Variants in ICE1 observed in about 807,000 individuals in gnomAD.
The protein encoded by ICE1 is little elongation complex subunit 1.
A neutral mutation model predicts 192.7 loss-of-function variants in ICE1; 64 were observed. The observed-to-expected ratio is 0.33, with a 90% CI of 0.27 to 0.41. The LOEUF (loss-of-function observed/expected upper bound fraction) is 0.41. Ranked by LOEUF, ICE1 falls within the 10% of genes least tolerant of loss-of-function variation. ICE1 has a pLI of 1.00. For synonymous variants in ICE1, 1,010 were observed against 984.5 expected (o/e 1.03, Z -0.49); for missense variants, 2,708 against 2,696.0 (o/e 1.00, Z -0.10).
Position 5,462,120 on chromosome 5 carries a change from C to T in ICE1, c.2786C>T (p.Ser929Phe). The T allele has an allele frequency of 1.9e-6, 3 of 1,613,886 alleles. No homozygotes were observed. In the South Asian group the frequency reaches 3.3e-5, roughly 18 times the overall value. Residue 929 changes from serine (S) to phenylalanine (F), a missense_variant, in exon 13 of 19, where the codon TCT becomes TTT. By Grantham distance (155) the Ser-to-Phe change is radical. Transcript: ENST00000296564. ...AAVKSISPEV[S>F]ASRRKLDFNS... Reference sequence around the variant, plus strand: ...GTGAAAAGCATTTCACCAGAAGTTTCTGCCTCTAGGAGAAAATTAGATTTT... The same window carrying T: ...GTGAAAAGCATTTCACCAGAAGTTTTTGCCTCTAGGAGAAAATTAGATTTT...
At chr5:5,436,559 G>A (rs1737878228) in intron 2 of ICE1, 83 bp downstream of exon 2, 2 of 705,510 alleles carry the variant, frequency 2.8e-6, no homozygotes, top group Non-Finnish European at 4.4e-6. Context: ...AGGCCCCCAG[G>A]GCTGGAATGA....
chr5:5,464,695 G>A lies in ICE1; in HGVS notation c.5361G>A (p.Pro1787=), dbSNP rs895093136. 6.2e-6 allele frequency: 10 copies of A among 1,613,914 alleles called. No homozygotes were observed. The highest frequency in any genetic ancestry group is 1.6e-4 in the Middle Eastern group (1 of 6,062). ...CGCCTGCTGACTGTAAGAATTTACCGGGACCTGCCAGTGCTATGATAGGAT... is the reference window on the plus strand; with the variant it reads ...CGCCTGCTGACTGTAAGAATTTACCAGGACCTGCCAGTGCTATGATAGGAT... ...RGPPADCKNL[P]GPASAMIGFK... Residue 1787 remains proline, a synonymous_variant, in exon 13 of 19, where the codon CCG becomes CCA. Transcript: ENST00000296564. This position sits in a 1 kb window ranked among gnomAD's most constrained non-coding sequence, Gnocchi z 4.0.
intron 7 of ICE1, among the ~76,000 whole-genome samples, chr5:5,445,339 C>T (rs1738182890): frequency 6.6e-6 from 1 of 152,086 alleles, no homozygotes. Context: ...ATTTTGTGTT[C>T]TAAGTATTGG....
Position 5,453,776 on chromosome 5 carries a change from A to G in ICE1, c.605-776A>G, listed in dbSNP as rs1738497358. Reference sequence around the variant, plus strand: ...TGTAGAAAAGCTTTAAAACCATAGTATAATATTCTTAATGTTACATTTATT... The same window carrying G: ...TGTAGAAAAGCTTTAAAACCATAGTGTAATATTCTTAATGTTACATTTATT... On this transcript the variant is annotated intron_variant, in intron 10 of 18. Transcript: ENST00000296564. Among the ~76,000 whole-genome samples the G allele has an allele frequency of 2.0e-5, 3 of 152,220 alleles. No homozygotes were observed. In the South Asian group the frequency reaches 6.2e-4, roughly 31 times the overall value.
intron 1 of ICE1, among the ~76,000 whole-genome samples, chr5:5,429,927 G>A (rs1350451969): frequency 6.6e-6 from 1 of 152,202 alleles, no homozygotes; most frequent in Admixed American, 6.5e-5. Context: ...AATTGTGTTA[G>A]TGAATTAGTA....
In ICE1 at chr5:5,461,704, A is replaced by T. The variant is rs1561088623; in HGVS notation, c.2370A>T (p.Ser790=). Reference sequence around the variant, plus strand: ...GTTTGGGTTTTGTTAAAAGTACTTCATGGCACCATAGTGATTTATTAAGGA... The same window carrying T: ...GTTTGGGTTTTGTTAAAAGTACTTCTTGGCACCATAGTGATTTATTAAGGA... ...KSGLGFVKST[S]WHHSDLLRKG... is the part of the protein sequence containing the mutation. The change falls in exon 13 of 19, where the codon TCA becomes TCT. Residue 790 remains serine, a synonymous_variant. Coordinates refer to ENST00000296564, the MANE Select transcript of ICE1 (RefSeq NM_015325.3). 1 of 1,613,862 alleles carries T rather than the reference A, an allele frequency of 6.2e-7. No individual in the cohort carries two copies. The highest frequency in any genetic ancestry group is 1.1e-5 in the South Asian group (1 of 91,054).
intron 10 of ICE1, 73 bp downstream of exon 10, chr5:5,447,970 T>C: frequency 8.4e-7 from 1 of 1,195,554 alleles, no homozygotes; most frequent in East Asian, 2.6e-5. Context: ...GTTTTGCTCC[T>C]ACATATAATT....
rs1421116884 is a variant in ICE1 at position 5,462,444 on chromosome 5, A to G, written c.3110A>G (p.Asp1037Gly). The G allele has an allele frequency of 1.2e-6, 2 of 1,613,886 alleles. No individual in the cohort carries two copies. Among genetic ancestry groups the G allele is most frequent in the Non-Finnish European group, 1.7e-6 (2 of 1,179,908 alleles). The change falls in exon 13 of 19, where the codon GAT becomes GGT. Residue 1037 changes from aspartate (D) to glycine (G), a missense_variant. By Grantham distance (94) the Asp-to-Gly change is moderately conservative (BLOSUM62 -1). Around this residue, in one of 2 missense-constraint regions of ICE1, gnomAD observed 2,366 missense variants for 2,276.6 expected, o/e 1.04. Coordinates refer to ENST00000296564, the MANE Select transcript of ICE1 (RefSeq NM_015325.3). The part of the protein sequence containing the change: ...SGGEALAVAN[D>G]STSTPQNANG... ...GGTGAGGCCCTGGCTGTTGCAAATGATTCTACCAGCACACCACAAAATGCT... is the reference window on the plus strand; with the variant it reads ...GGTGAGGCCCTGGCTGTTGCAAATGGTTCTACCAGCACACCACAAAATGCT...
chr5:5,423,811 T>C (rs1737424572), intron 1 of ICE1, among the ~76,000 whole-genome samples: 1 of 152,212 alleles, frequency 6.6e-6, no homozygotes, highest in South Asian at 2.1e-4. Flanking sequence ...CATTACCTAC[T>C]CTGCCTAGTG....
intron 17 of ICE1, among the ~76,000 whole-genome samples, chr5:5,480,593 G>T (rs1739476982): frequency 6.6e-6 from 1 of 152,140 alleles, no homozygotes; most frequent in Admixed American, 6.5e-5. Flanking sequence ...TTGAAATAAG[G>T]TTAGTGTTTG....
intron 15 of ICE1, among the ~76,000 whole-genome samples, chr5:5,470,510 G>A (rs1413591143): frequency 6.6e-6 from 1 of 152,036 alleles, no homozygotes; most frequent in Non-Finnish European, 1.5e-5. Flanking sequence ...GAAATACTTG[G>A]GGAATAAAAC....
intron 1 of ICE1, among the ~76,000 whole-genome samples, chr5:5,425,750 C>T (rs1356961066): frequency 1.3e-5 from 2 of 151,976 alleles, no homozygotes; most frequent in African/African-American, 2.4e-5. Flanking sequence ...GTAGAAGTAA[C>T]GGTGGTATGC....
At chr5:5,443,283 A>G in intron 6 of ICE1, 39 bp downstream of exon 6, 1 of 1,109,634 alleles carries the variant, frequency 9.0e-7, no homozygotes, top group Non-Finnish European at 1.3e-6. Flanking sequence ...TACGGTTTTC[A>G]GTTTTGAAAA....
Position 5,486,705 on chromosome 5 carries a change from G to T in ICE1, c.6521-16G>T. The T allele has an allele frequency of 6.5e-7, 1 of 1,529,556 alleles. No homozygotes were observed. Among genetic ancestry groups the T allele is most frequent in the Non-Finnish European group, 9.0e-7 (1 of 1,115,742 alleles). The allele number at this position is 1,529,556 out of a possible 1,614,324, so 94.7% of individuals were successfully genotyped here. On this transcript the variant is annotated splice_polypyrimidine_tract_variant and intron_variant, in intron 17 of 18. Transcript: ENST00000296564. ...CATTTAACTGGACTGTTTACATTTT[G>T]GTTTGTTTCCCCTAGGTCGTTTAGG...
At chr5:5,441,049 C>A in intron 4 of ICE1, 63 bp from the exon 5 acceptor site, 1 of 1,000,750 alleles carries the variant, frequency 1.0e-6, no homozygotes, top group Non-Finnish European at 1.5e-6. Flanking sequence ...AAATTATAAG[C>A]ACATATATTT....
At chr5:5,455,986 A>G (rs2111368595) in intron 11 of ICE1, among the ~76,000 whole-genome samples, 1 of 151,800 alleles carries the variant, frequency 6.6e-6, no homozygotes, top group African/African-American at 2.4e-5. Flanking sequence ...CATGTCTTTT[A>G]CACTTTGGGA....
intron 12 of ICE1, among the ~76,000 whole-genome samples, chr5:5,458,883 T>G (rs1051782756): frequency 5.3e-5 from 8 of 151,982 alleles, no homozygotes; most frequent in Admixed American, 1.3e-4. Flanking sequence ...TATTTTTTCT[T>G]TTTTTTTGAG....
chr5:5,467,515 A>G (rs1477963421), intron 14 of ICE1, among the ~76,000 whole-genome samples: 1 of 152,018 alleles, frequency 6.6e-6, no homozygotes, highest in African/African-American at 2.4e-5. Context: ...AATTTCACAT[A>G]CCTTCCTAGT....
At chr5:5,474,501 T>C (rs1439090592) in intron 16 of ICE1, among the ~76,000 whole-genome samples, 3 of 152,196 alleles carry the variant, frequency 2.0e-5, no homozygotes, top group Admixed American at 6.5e-5. Context: ...AAGAGAAATA[T>C]TCAAAATTAT....
Sources: allele counts gnomAD v4.1 joint callset (sites outside exome capture counted in the v4.1 genomes callset), GRCh38; gene constraint gnomAD v4.1.1; regional missense constraint gnomAD v4.1.1; non-coding constraint Gnocchi (gnomAD v3.1); transcripts MANE v1.5; gene names NCBI Gene and HGNC (gene_info 2026-07-23, HGNC 2026-07-21).